LOXL3: variants seen among roughly 807,000 people sequenced by gnomAD.
LOXL3 encodes the protein lysyl oxidase like 3.
LOXL3 carries 60 observed loss-of-function variants against 91.8 expected under a neutral mutation model. That is an observed-to-expected ratio of 0.65 (90% CI 0.53 to 0.81). The LOEUF (loss-of-function observed/expected upper bound fraction) is 0.81, where lower values mean the gene tolerates loss of function less well. Among genes scored for constraint, LOXL3 ranks in the 30% least tolerant of loss-of-function variants. The pLI is 0.00. For missense variants in LOXL3, 874 were observed against 1,000.4 expected, an observed-to-expected ratio of 0.87 and a Z score of 1.70; for synonymous variants, 355 against 387.6, an observed-to-expected ratio of 0.92 and a Z score of 0.99.
In LOXL3 at chr2:74,532,536, T is replaced by A; in HGVS notation, c.*1070A>T. On this transcript the variant is annotated 3_prime_UTR_variant, in exon 14 of 14. Transcript: ENST00000264094. Reference sequence around the variant, plus strand: ...CATGTCCTGTCCATATATTTATCAATGTGTTGATGAGAGACTTGAGGTGGA... The same window carrying A: ...CATGTCCTGTCCATATATTTATCAAAGTGTTGATGAGAGACTTGAGGTGGA... The A allele has an allele frequency of 3.0e-6, 3 of 999,660 alleles. No individual in the cohort carries two copies. The highest frequency in any genetic ancestry group is 2.7e-5 in the South Asian group (2 of 74,666). 61.9% of individuals were successfully genotyped at this position (999,660 alleles called of 1,614,324 possible).
intron 4 of LOXL3, among the ~76,000 whole-genome samples, chr2:74,548,080 C>T (rs758574330): frequency 6.6e-6 from 1 of 152,210 alleles, no homozygotes; most frequent in East Asian, 1.9e-4. Flanking sequence ...TCTACAGGAA[C>T]ATTTTGCAAG....
rs374700981 is a variant in LOXL3 at position 74,533,993 on chromosome 2, C to T, written c.2077G>A (p.Val693Ile). Residue 693 changes from valine to isoleucine, a missense_variant and splice_region_variant, in exon 13 of 14, where the codon GTT becomes ATT. Transcript: ENST00000264094. ...DVKPGNYILQ[V>I]VINPNFEVAE... ...ACTTCAAAGTTTGGGTTGATGACAA[C>T]CTGTGAGTGAGAAAAAGGCCACTTA... The T allele has an allele frequency of 8.7e-6, 14 of 1,613,522 alleles. No individual in the cohort carries two copies. Among genetic ancestry groups the T allele is most frequent in the African/African-American group, 2.7e-5 (2 of 74,910 alleles).
chr2:74,550,016 C>G, intron 3 of LOXL3, 169 bp downstream of exon 3: 2 of 985,372 alleles, frequency 2.0e-6, no homozygotes, highest in Non-Finnish European at 2.4e-6. Context: ...ATGCTAAAAA[C>G]CTGTTGGATT....
chr2:74,544,304 AAAAC>A (rs1258443767), intron 4 of LOXL3, among the ~76,000 whole-genome samples: 7 of 151,438 alleles, frequency 4.6e-5, no homozygotes, highest in Non-Finnish European at 7.3e-5. Context: ...CCCTCTCAAA[AAAAC>A]AAACAAACAA....
chr2:74,533,680 C>T lies in LOXL3; in HGVS notation c.2189-1G>A. ...TTGGCCTCTTCACTGAAGGCATCAC[C>T]TGCAGAGTGGACAGGCAATTTGGGA... On this transcript the variant is annotated splice_acceptor_variant, in intron 13 of 13. Coordinates refer to ENST00000264094, the MANE Select transcript of LOXL3 (RefSeq NM_032603.5). LOFTEE classifies it high-confidence loss of function. 6.2e-7 allele frequency: 1 copy of T among 1,614,010 alleles called. No individual in the cohort carries two copies. The highest frequency in any genetic ancestry group is 8.5e-7 in the Non-Finnish European group (1 of 1,179,958).
At chr2:74,542,747 C>G (rs750938380) in intron 4 of LOXL3, among the ~76,000 whole-genome samples, 1 of 152,018 alleles carries the variant, frequency 6.6e-6, no homozygotes, top group South Asian at 2.1e-4. Flanking sequence ...GCCTCAGCCT[C>G]CCAGGTAGCT....
At chr2:74,554,411 G>GAA, upstream of LOXL3, 1 of 320,882 alleles carries the variant, frequency 3.1e-6, no homozygotes, top group Non-Finnish European at 5.8e-6. The surrounding 1 kb of genome is among the most constrained non-coding windows in gnomAD (Gnocchi z 4.9). Flanking sequence ...GCGCTTTCGG[G>GAA]GTGATGTCAT....
chr2:74,538,365 A>G (rs758241038), intron 4 of LOXL3, among the ~76,000 whole-genome samples: 3 of 152,194 alleles, frequency 2.0e-5, no homozygotes, highest in Non-Finnish European at 2.9e-5. Flanking sequence ...CCACCAGAGA[A>G]GCTGGGGAAT....
At position 74,535,490 on chromosome 2, in the gene LOXL3, G is replaced by C; in HGVS notation, c.1417-36C>G. Reference sequence around the variant, plus strand: ...ATGCAGATGTTTCTGTAAGGCCCAGGATCCAGCATCTTGGGCCAAGGGACT... The same window carrying C: ...ATGCAGATGTTTCTGTAAGGCCCAGCATCCAGCATCTTGGGCCAAGGGACT... On this transcript the variant is annotated intron_variant, in intron 8 of 13. Coordinates refer to ENST00000264094, the MANE Select transcript of LOXL3 (RefSeq NM_032603.5). The surrounding 1 kb of genome is among the most constrained non-coding windows in gnomAD (Gnocchi z 4.2). The C allele has an allele frequency of 1.9e-6, 3 of 1,612,900 alleles. No homozygotes were observed. The highest frequency in any genetic ancestry group is 2.5e-6 in the Non-Finnish European group (3 of 1,179,910).
intron 4 of LOXL3, among the ~76,000 whole-genome samples, chr2:74,540,049 A>G (rs1676234615): frequency 6.6e-6 from 1 of 152,124 alleles, no homozygotes; most frequent in South Asian, 2.1e-4. Context: ...GGGTTTCACT[A>G]TGTTGGCTAG....
At chr2:74,547,013 CTTAG>C (rs973880897) in intron 4 of LOXL3, among the ~76,000 whole-genome samples, 6 of 151,912 alleles carry the variant, frequency 3.9e-5, no homozygotes, top group African/African-American at 1.2e-4. Context: ...CGTGCCCGGC[CTTAG>C]TTAATTTATT....
At position 74,532,326 on chromosome 2, in the gene LOXL3, T is replaced by G; in HGVS notation, c.*1280A>C. ...ATGGTTAATATCAGATCCATCCTTTTAGGCTCAACTTAAGTTCTTTCCCCT... is the reference window on the plus strand; with the variant it reads ...ATGGTTAATATCAGATCCATCCTTTGAGGCTCAACTTAAGTTCTTTCCCCT... On this transcript the variant is annotated 3_prime_UTR_variant, in exon 14 of 14. Coordinates refer to ENST00000264094, the MANE Select transcript of LOXL3 (RefSeq NM_032603.5). 2.1e-6 allele frequency: 1 copy of G among 485,886 alleles called. No homozygotes were observed. Among genetic ancestry groups the G allele is most frequent in the Non-Finnish European group, 3.7e-6 (1 of 266,738 alleles). 30.1% of individuals were successfully genotyped at this position (485,886 alleles called of 1,614,324 possible).
upstream of LOXL3, chr2:74,555,357 C>T (rs765058339): frequency 6.2e-6 from 10 of 1,613,810 alleles, no homozygotes; most frequent in South Asian, 9.9e-5. The surrounding 1 kb of genome is among the most constrained non-coding windows in gnomAD (Gnocchi z 6.1). Context: ...GCGCCACTGC[C>T]TTCCGCCTGG....
intron 4 of LOXL3, among the ~76,000 whole-genome samples, chr2:74,539,390 T>G (rs949585710): frequency 6.6e-6 from 1 of 151,862 alleles, no homozygotes; most frequent in Non-Finnish European, 1.5e-5. Flanking sequence ...ATGGGAAATC[T>G]AGCGATGTCA....
At position 74,534,647 on chromosome 2, in the gene LOXL3, G is replaced by A. The variant is rs763808433; in HGVS notation, c.1707C>T (p.Asn569=). The A allele has an allele frequency of 2.5e-6, 4 of 1,614,112 alleles. No individual in the cohort carries two copies. The highest frequency in any genetic ancestry group is 3.4e-6 in the Non-Finnish European group (4 of 1,180,054). The change falls in exon 10 of 14, where the codon AAC becomes AAT. Residue 569 remains asparagine (N), a synonymous_variant. Coordinates refer to ENST00000264094, the MANE Select transcript of LOXL3 (RefSeq NM_032603.5). ...NCLASSARSA[N]WPYGHRRLLR... ...GCAGACGCCGGTGACCATAGGGCCA[G>A]TTGGCTGAGCGGGCTGAGCTGGCCA...
upstream of LOXL3, chr2:74,554,687 C>T: frequency 6.5e-7 from 1 of 1,545,648 alleles, no homozygotes; most frequent in Non-Finnish European, 8.8e-7. The surrounding 1 kb of genome is among the most constrained non-coding windows in gnomAD (Gnocchi z 4.9). Flanking sequence ...CTCCAGGGAA[C>T]CCGGCCCCGC....
chr2:74,547,723 C>T (rs1676687915), intron 4 of LOXL3, among the ~76,000 whole-genome samples: 1 of 149,874 alleles, frequency 6.7e-6, no homozygotes, highest in Admixed American at 6.6e-5. Flanking sequence ...CCTCAATCTA[C>T]ACATAAGTAA....
At position 74,534,569 on chromosome 2, in the gene LOXL3, C is replaced by T; in HGVS notation, c.1785G>A (p.Lys595=). The T allele has an allele frequency of 6.2e-7, 1 of 1,614,240 alleles. No individual in the cohort carries two copies. The highest frequency in any genetic ancestry group is 8.5e-7 in the Non-Finnish European group (1 of 1,180,042). The change falls in exon 10 of 14, where the codon AAG becomes AAA. Residue 595 remains lysine, a synonymous_variant. Coordinates refer to ENST00000264094, the MANE Select transcript of LOXL3 (RefSeq NM_032603.5). ...HNLGRADFRP[K]AGRHSWVWHE... ...GCCACACCCAGGAGTGGCGCCCAGC[C>T]TTGGGCCTGAAGTCAGCTCGTCCCA...
In LOXL3 at chr2:74,533,552, G is replaced by T; in HGVS notation, c.*54C>A. On this transcript the variant is annotated 3_prime_UTR_variant, in exon 14 of 14. Coordinates refer to ENST00000264094, the MANE Select transcript of LOXL3 (RefSeq NM_032603.5). ...TTGGTAAGCTCCTGAGGTAATGGCA[G>T]CCTCAGACCCCTGCCATTAGGGGCC... is the stretch of plus-strand genomic sequence containing the variant. 6.5e-7 allele frequency: 1 copy of T among 1,532,960 alleles called. No individual in the cohort carries two copies. Among genetic ancestry groups the T allele is most frequent in the Non-Finnish European group, 9.0e-7 (1 of 1,110,212 alleles). 95.0% of individuals were successfully genotyped at this position (1,532,960 alleles called of 1,614,324 possible). A position where few individuals can be genotyped will look rare whatever the true frequency, so the allele number is the denominator to read the frequency against.
Sources: gnomAD v4.1 joint callset for allele counts (sites outside exome capture counted in the v4.1 genomes callset) on GRCh38, gnomAD v4.1.1 for gene constraint, Gnocchi (gnomAD v3.1) non-coding constraint, MANE v1.5 for transcripts, NCBI Gene and HGNC (gene_info 2026-07-23, HGNC 2026-07-21) for gene names.